NR2C2: variants seen among roughly 807,000 people sequenced by gnomAD.
The protein encoded by NR2C2 is Nuclear hormone receptor TR4.
In NR2C2, 6 loss-of-function variants were observed where a neutral mutation model predicts 62.9. The observed-to-expected ratio is 0.10, with a 90% CI of 0.05 to 0.19. NR2C2 has a LOEUF of 0.19. Ranked by LOEUF, NR2C2 falls within the 10% of genes least tolerant of loss-of-function variation. The probability of loss-of-function intolerance (pLI) is 1.00; values close to 1 mark genes in which losing one functional copy is unlikely to be tolerated. For missense variants in NR2C2, 479 were observed against 762.7 expected, an observed-to-expected ratio of 0.63 and a Z score of 4.38; for synonymous variants, 272 against 273.8, an observed-to-expected ratio of 0.99 and a Z score of 0.07.
chr3:15,008,367 C>G (rs1329838252), intron 2 of NR2C2, among the ~76,000 whole-genome samples: 2 of 151,580 alleles, frequency 1.3e-5, no homozygotes, highest in African/African-American at 2.4e-5. Context: ...ATAAAAAATA[C>G]AAAAATTAGC....
chr3:15,023,422 C>A, intron 6 of NR2C2, 75 bp downstream of exon 6: 1 of 1,531,132 alleles, frequency 6.5e-7, no homozygotes, highest in Non-Finnish European at 8.9e-7. Context: ...ACAGCAGGCA[C>A]TGTTGTGGCT....
At chr3:14,989,994 C>CT (rs1182434338) in intron 1 of NR2C2, among the ~76,000 whole-genome samples, 1 of 149,482 alleles carries the variant, frequency 6.7e-6, no homozygotes, top group African/African-American at 2.5e-5. Context: ...CCTGGCTACT[C>CT]TGAGAGGCTG....
chr3:15,036,753 A>G (rs1311159966), intron 11 of NR2C2, among the ~76,000 whole-genome samples: 1 of 152,224 alleles, frequency 6.6e-6, no homozygotes, highest in Non-Finnish European at 1.5e-5. Flanking sequence ...ATATCTAGGA[A>G]TGTGAGTGAC....
chr3:14,967,446 T>G (rs2039890243), intron 1 of NR2C2, among the ~76,000 whole-genome samples: 1 of 151,964 alleles, frequency 6.6e-6, no homozygotes, highest in South Asian at 2.1e-4. Context: ...GGAAAGGAAG[T>G]GGAAAAATTG....
chr3:15,004,746 G>C, intron 2 of NR2C2: 1 of 1,128,022 alleles, frequency 8.9e-7, no homozygotes, highest in East Asian at 2.6e-5. Context: ...TTTTCTTCTT[G>C]CAGTTTTATC....
chr3:15,040,191 C>A (rs922711205), intron 13 of NR2C2, among the ~76,000 whole-genome samples: 3 of 151,450 alleles, frequency 2.0e-5, no homozygotes, highest in Non-Finnish European at 4.4e-5. Flanking sequence ...CAAAAAAAAA[C>A]CCTTTCTCGT....
At chr3:14,972,151 CTCTT>C (rs1559536977) in intron 1 of NR2C2, among the ~76,000 whole-genome samples, 1 of 147,610 alleles carries the variant, frequency 6.8e-6, no homozygotes, top group African/African-American at 2.5e-5. Flanking sequence ...CTCATTCTCT[CTCTT>C]TTTTTTTTCT....
chr3:14,963,635 T>A (rs1178078940), intron 1 of NR2C2, among the ~76,000 whole-genome samples: 1 of 152,048 alleles, frequency 6.6e-6, no homozygotes, highest in Non-Finnish European at 1.5e-5. Context: ...CACGCCCGGC[T>A]AATTTTTTGT....
At chr3:14,960,153 G>C (rs2039651213) in intron 1 of NR2C2, among the ~76,000 whole-genome samples, 1 of 152,108 alleles carries the variant, frequency 6.6e-6, no homozygotes, top group Non-Finnish European at 1.5e-5. Flanking sequence ...TTTCATAAAT[G>C]AAAGTACAAA....
At chr3:14,977,464 T>C (rs1445432047) in intron 1 of NR2C2, among the ~76,000 whole-genome samples, 1 of 152,196 alleles carries the variant, frequency 6.6e-6, no homozygotes, top group African/African-American at 2.4e-5. Flanking sequence ...TCTTTCTCCC[T>C]CTATTTTTAT....
In NR2C2 at chr3:15,043,192, A is replaced by G. The variant is rs1475106337; in HGVS notation, c.*184A>G. ...AAGACTAGTAGGATCCTTTCCTGACATAAGAAATGTTTTAATGCCTTTTGA... is the reference window on the plus strand; with the variant it reads ...AAGACTAGTAGGATCCTTTCCTGACGTAAGAAATGTTTTAATGCCTTTTGA... On this transcript the variant is annotated 3_prime_UTR_variant, in exon 14 of 14. Coordinates refer to ENST00000425241, the MANE Select transcript of NR2C2 (RefSeq NM_001291694.2). The G allele has an allele frequency of 9.2e-6, 4 of 436,492 alleles. No individual in the cohort carries two copies. The highest frequency in any genetic ancestry group is 4.4e-5 in the Admixed American group (1 of 22,872). The allele number at this position is 436,492 out of a possible 1,614,324, so 27.0% of individuals were successfully genotyped here.
At chr3:14,989,840 G>C (rs34134593) in intron 1 of NR2C2, among the ~76,000 whole-genome samples, 2 of 139,704 alleles carry the variant, frequency 1.4e-5, no homozygotes, top group Admixed American at 7.8e-5. Flanking sequence ...GTGGAGATAA[G>C]AGAATCGCTT....
At chr3:15,003,631 A>C (rs949529063) in intron 1 of NR2C2, among the ~76,000 whole-genome samples, 1 of 152,128 alleles carries the variant, frequency 6.6e-6, no homozygotes, top group Non-Finnish European at 1.5e-5. Flanking sequence ...CACAACTGCA[A>C]ATTCCTTTGG....
chr3:14,956,579 T>A (rs2039532454), intron 1 of NR2C2, among the ~76,000 whole-genome samples: 1 of 152,214 alleles, frequency 6.6e-6, no homozygotes, highest in Non-Finnish European at 1.5e-5. Context: ...GTTTTACTTT[T>A]GTTGCCCAGG....
At chr3:14,982,676 C>G (rs184313463) in intron 1 of NR2C2, among the ~76,000 whole-genome samples, 1 of 152,156 alleles carries the variant, frequency 6.6e-6, no homozygotes, top group Non-Finnish European at 1.5e-5. Flanking sequence ...CTTGCTCTTA[C>G]GAATTCTAAT....
rs2042357161 is a variant in NR2C2 at position 15,043,847 on chromosome 3, A to G, written c.*839A>G. On this transcript the variant is annotated 3_prime_UTR_variant, in exon 14 of 14. Transcript: ENST00000425241. ...TGAATTGGATTGCAACTAGTCAGAC[A>G]TTAACTGCCAAATGAGATGTACAGT... 6.6e-6 allele frequency: 1 copy of G among 152,244 alleles called. No individual in the cohort carries two copies. The highest frequency in any genetic ancestry group is 1.5e-5 in the Non-Finnish European group (1 of 68,044). 9.4% of individuals were successfully genotyped at this position (152,244 alleles called of 1,614,324 possible). A position where few individuals can be genotyped will look rare whatever the true frequency, so the allele number is the denominator to read the frequency against.
Position 15,025,107 on chromosome 3 carries a change from G to A in NR2C2, c.798+899G>A, listed in dbSNP as rs534543989. 2.4e-4 allele frequency among the ~76,000 whole-genome samples: 36 copies of A among 152,362 alleles called. 4 individuals are homozygous for A. The highest frequency in any genetic ancestry group is 2.1e-3 in the South Asian group (10 of 4,830). ...GATGGGAGCTGATGGATCACGCATCGTGGGCTTAGCTTATCAGCAGCACAC... is the reference window on the plus strand; with the variant it reads ...GATGGGAGCTGATGGATCACGCATCATGGGCTTAGCTTATCAGCAGCACAC... On this transcript the variant is annotated intron_variant, in intron 7 of 13. Coordinates refer to ENST00000425241, the MANE Select transcript of NR2C2 (RefSeq NM_001291694.2).
chr3:15,020,986 T>TA (rs2041653573), intron 5 of NR2C2, 54 bp downstream of exon 5: 1 of 1,518,040 alleles, frequency 6.6e-7, no homozygotes, highest in African/African-American at 1.4e-5. Context: ...AGACAGTAAA[T>TA]GAGTCCATTA....
chr3:15,014,218 GTAC>G (rs2041436616), intron 3 of NR2C2, among the ~76,000 whole-genome samples: 1 of 152,302 alleles, frequency 6.6e-6, no homozygotes, highest in African/African-American at 2.4e-5. Flanking sequence ...TTGCCACTGT[GTAC>G]TACTCGCCCT....
Sources: gnomAD v4.1 joint callset for allele counts (sites outside exome capture counted in the v4.1 genomes callset) on GRCh38, gnomAD v4.1.1 for gene constraint, MANE v1.5 for transcripts, NCBI Gene and HGNC (gene_info 2026-07-23, HGNC 2026-07-21) for gene names.